The following NEBL variants were observed in gnomAD, a reference collection of about 807,000 sequenced individuals.
The protein encoded by NEBL is LIM and SH3 protein 2.
A neutral mutation model predicts 140.2 loss-of-function variants in NEBL; 122 were observed. That is an observed-to-expected ratio of 0.87 (90% CI 0.75 to 1.01). The LOEUF (loss-of-function observed/expected upper bound fraction) is 1.01. NEBL is among the 50% of genes least tolerant of loss of function. NEBL has a pLI of 0.00. For missense variants in NEBL, 1,365 were observed against 1,231.3 expected, an observed-to-expected ratio of 1.11 and a Z score of -1.62; for synonymous variants, 436 against 398.9, an observed-to-expected ratio of 1.09 and a Z score of -1.11.
At chr10:21,093,594 T>TG (rs1379549721) in intron 2 of NEBL, among the ~76,000 whole-genome samples, 1 of 152,098 alleles carries the variant, frequency 6.6e-6, no homozygotes, top group Admixed American at 6.5e-5. Context: ...TGCAACCAGA[T>TG]GGGGGTCACA....
chr10:20,814,609 T>TACACACACACACACAC lies in NEBL; in HGVS notation c.2242-567_2242-566insGTGTGTGTGTGTGTGT, dbSNP rs1265684219. Among the ~76,000 whole-genome samples, 561 of 98,326 alleles carry TACACACACACACACAC rather than the reference T, an allele frequency of 5.7e-3. 4 individuals carry two copies. Among genetic ancestry groups the TACACACACACACACAC allele is most frequent in the African/African-American group, 0.025 (530 of 21,170 alleles). 64.5% of individuals were successfully genotyped at this position (98,326 alleles called of 152,430 possible). ...AGAGACTGTGTCTCAAACACACACA[T>TACACACACACACACAC]ACACACATACACACACACACACACA... On this transcript the variant is annotated intron_variant, in intron 22 of 27. Coordinates refer to ENST00000377122, the MANE Select transcript of NEBL (RefSeq NM_006393.3).
rs1240997330 is a variant in NEBL at position 20,897,307 on chromosome 10, G to C, written c.-102C>G. 6.6e-7 allele frequency: 1 copy of C among 1,506,680 alleles called. No homozygotes were observed. The highest frequency in any genetic ancestry group is 8.8e-7 in the Non-Finnish European group (1 of 1,138,038). 93.3% of individuals were successfully genotyped at this position (1,506,680 alleles called of 1,614,324 possible). ...TGCTGACGTCTCTGGTGCTCTGGCA[G>C]AAATGCCCTTGCCCAAGCCTCAGCC... On this transcript the variant is annotated 5_prime_UTR_variant, in exon 1 of 28. Coordinates refer to ENST00000377122, the MANE Select transcript of NEBL (RefSeq NM_006393.3).
chr10:21,094,801 T>C (rs1805917029), intron 2 of NEBL, among the ~76,000 whole-genome samples: 1 of 152,148 alleles, frequency 6.6e-6, no homozygotes, highest in South Asian at 2.1e-4. Context: ...TGCTTCTAAG[T>C]CTCACATTGT....
At chr10:21,287,457 G>A (rs1466475293) in intron 1 of NEBL, among the ~76,000 whole-genome samples, 1 of 152,098 alleles carries the variant, frequency 6.6e-6, no homozygotes, top group Non-Finnish European at 1.5e-5. Flanking sequence ...AATAGCCTAA[G>A]CCAGGGAGGT....
chr10:20,961,719 T>C, exon 4 of NEBL: 1 of 1,613,928 alleles, frequency 6.2e-7, no homozygotes, highest in South Asian at 1.1e-5. Flanking sequence ...AGCTCAGGAG[T>C]GTCCGTGACG....
chr10:21,054,381 G>C (rs1023041165), intron 2 of NEBL, among the ~76,000 whole-genome samples: 1 of 152,166 alleles, frequency 6.6e-6, no homozygotes, highest in African/African-American at 2.4e-5. Flanking sequence ...TAGGTGACTA[G>C]CTGGCATTGT....
chr10:20,819,372 A>C, intron 20 of NEBL, 52 bp downstream of exon 20: 1 of 1,612,312 alleles, frequency 6.2e-7, no homozygotes, highest in Non-Finnish European at 8.5e-7. Context: ...ATATTTTTAA[A>C]TAAAAATATG....
chr10:21,140,105 G>A (rs886939716), intron 2 of NEBL, among the ~76,000 whole-genome samples: 1 of 152,098 alleles, frequency 6.6e-6, no homozygotes, highest in Admixed American at 6.6e-5. Context: ...AGGCTGCAGT[G>A]AGCCAAGATT....
At chr10:21,066,001 A>G (rs1272766788) in intron 2 of NEBL, among the ~76,000 whole-genome samples, 1 of 151,910 alleles carries the variant, frequency 6.6e-6, no homozygotes, top group African/African-American at 2.4e-5. Flanking sequence ...ATCCTTCTAC[A>G]CCTCCATCCT....
intron 1 of NEBL, among the ~76,000 whole-genome samples, chr10:21,252,033 G>A (rs988450673): frequency 5.9e-5 from 9 of 152,070 alleles, no homozygotes; most frequent in South Asian, 4.1e-4. Context: ...CAGCTTCCCC[G>A]CCCTCCGCTT....
chr10:21,011,853 A>G (rs1351020847), intron 3 of NEBL, among the ~76,000 whole-genome samples: 3 of 152,162 alleles, frequency 2.0e-5, no homozygotes, highest in African/African-American at 4.8e-5. Context: ...TGCAATGGCA[A>G]TGCCCCTGGC....
chr10:20,819,620 T>C, intron 19 of NEBL, 104 bp from the exon 20 acceptor site: 2 of 1,352,328 alleles, frequency 1.5e-6, no homozygotes, highest in South Asian at 2.4e-5. Flanking sequence ...AGAACATTCA[T>C]TAATAAGATC....
intron 3 of NEBL, among the ~76,000 whole-genome samples, chr10:20,984,100 C>T (rs377383343): frequency 3.4e-4 from 47 of 136,262 alleles, no homozygotes; most frequent in East Asian, 2.6e-3. Context: ...GGCAAACATC[C>T]AAAAATCCAA....
chr10:21,064,892 G>A (rs146636304), intron 2 of NEBL, among the ~76,000 whole-genome samples: 41 of 151,812 alleles, frequency 2.7e-4, no homozygotes, highest in African/African-American at 8.7e-4. Context: ...GAAATTAGGT[G>A]GTTTGGACAA....
intron 3 of NEBL, among the ~76,000 whole-genome samples, chr10:21,005,487 A>G (rs1297628283): frequency 2.7e-5 from 4 of 147,952 alleles, no homozygotes; most frequent in Non-Finnish European, 5.9e-5. Flanking sequence ...GTAATCCCAG[A>G]AGTTTGCAAG....
At chr10:21,056,857 G>A (rs910685155) in intron 2 of NEBL, among the ~76,000 whole-genome samples, 2 of 152,158 alleles carry the variant, frequency 1.3e-5, no homozygotes, top group African/African-American at 4.8e-5. Context: ...GTTCATCCAG[G>A]AGGGAGGAGG....
intron 3 of NEBL, among the ~76,000 whole-genome samples, chr10:20,972,593 A>G (rs1433049195): frequency 6.6e-6 from 1 of 151,974 alleles, no homozygotes; most frequent in Non-Finnish European, 1.5e-5. Flanking sequence ...AAATACAAAA[A>G]AAAATTAGCT....
intron 4 of NEBL, among the ~76,000 whole-genome samples, chr10:20,885,578 A>G (rs1259600416): frequency 6.6e-6 from 1 of 152,200 alleles, no homozygotes; most frequent in Admixed American, 6.5e-5. Context: ...GTTAAGTTCT[A>G]TGTTGCAGGG....
At chr10:20,947,220 G>T (rs1835212216) in intron 4 of NEBL, among the ~76,000 whole-genome samples, 1 of 152,196 alleles carries the variant, frequency 6.6e-6, no homozygotes, top group Admixed American at 6.5e-5. Context: ...TGGACTAGAG[G>T]TCAGAATGCC....
Sources: gnomAD v4.1 joint callset for allele counts (sites outside exome capture counted in the v4.1 genomes callset) on GRCh38, gnomAD v4.1.1 for gene constraint, MANE v1.5 for transcripts, NCBI Gene and HGNC (gene_info 2026-07-23, HGNC 2026-07-21) for gene names.